ABR: variants seen among roughly 807,000 people sequenced by gnomAD.
ABR encodes the protein active breakpoint cluster region-related protein.
ABR carries 35 observed loss-of-function variants against 107.2 expected under a neutral mutation model. That is an observed-to-expected ratio of 0.33 (90% confidence interval 0.25 to 0.43). The LOEUF (loss-of-function observed/expected upper bound fraction) is 0.43. Among genes scored for constraint, ABR ranks in the 20% least tolerant of loss-of-function variants. ABR has a pLI of 1.00. For synonymous variants in ABR, 498 were observed against 462.0 expected (o/e 1.08, Z -1.00); for missense variants, 815 against 1,115.2 (o/e 0.73, Z 3.83).
chr17:1,193,217 G>A (rs959975508), intron 1 of ABR, among the ~76,000 whole-genome samples: 1 of 151,914 alleles, frequency 6.6e-6, no homozygotes, highest in Non-Finnish European at 1.5e-5. Flanking sequence ...GAAAACAACA[G>A]AATTAGCAGC....
chr17:1,124,822 C>A (rs937940851), intron 2 of ABR, among the ~76,000 whole-genome samples: 4 of 152,182 alleles, frequency 2.6e-5, no homozygotes, highest in Non-Finnish European at 5.9e-5. Flanking sequence ...ACGCATGCAG[C>A]CACTGCCTGG....
intron 2 of ABR, among the ~76,000 whole-genome samples, chr17:1,114,013 A>T (rs987468377): frequency 2.0e-5 from 3 of 151,612 alleles, no homozygotes; most frequent in Admixed American, 1.3e-4. Context: ...TAAAAATTTT[A>T]AAAAATAATT....
chr17:1,081,814 T>G (rs2036255543), intron 5 of ABR, among the ~76,000 whole-genome samples: 1 of 150,100 alleles, frequency 6.7e-6, no homozygotes, highest in South Asian at 2.1e-4. Context: ...TGACCTCAGG[T>G]GATCCGCCCG....
intron 2 of ABR, among the ~76,000 whole-genome samples, chr17:1,102,864 T>C (rs1027776124): frequency 6.6e-6 from 1 of 152,012 alleles, no homozygotes; most frequent in South Asian, 2.1e-4. Flanking sequence ...GCGTCCACCA[T>C]CACACCCACT....
rs1254912323 is a variant in ABR at position 1,058,001 on chromosome 17, C to A, written c.1350G>T (p.Trp450Cys). 1.2e-6 allele frequency: 2 copies of A among 1,613,856 alleles called. No individual in the cohort carries two copies. The highest frequency in any genetic ancestry group is 2.7e-5 in the African/African-American group (2 of 74,882). Residue 450 changes from tryptophan to cysteine, a missense_variant, in exon 12 of 23, where the codon TGG becomes TGT. This residue lies in a region of ABR where 385 missense variants were observed against 596.9 expected (regional missense o/e 0.64). Transcript: ENST00000302538. ...TCTGTAGTTTCTGAATTGCTTCTCT[C>A]CACTCTGACCTCTCGTAGTCCGAGG... ...LLSSDYERSE[W>C]REAIQKLQKK...
chr17:1,134,671 G>A (rs571916043), intron 1 of ABR, among the ~76,000 whole-genome samples: 2 of 152,206 alleles, frequency 1.3e-5, no homozygotes, highest in Admixed American at 6.5e-5. Flanking sequence ...TCAAAGGCCC[G>A]GCAAGGCGGA....
At chr17:1,134,636 T>G (rs2039979990) in intron 1 of ABR, among the ~76,000 whole-genome samples, 1 of 151,762 alleles carries the variant, frequency 6.6e-6, no homozygotes, top group Non-Finnish European at 1.5e-5. Flanking sequence ...AGCAATCAAA[T>G]CTCCGAGATG....
Position 1,037,177 on chromosome 17 carries a change from GCA to G in ABR, c.1791+12871_1791+12872del, listed in dbSNP as rs1369723008. On this transcript the variant is annotated intron_variant, in intron 16 of 22. Transcript: ENST00000302538. This position sits in a 1 kb window ranked among gnomAD's most constrained non-coding sequence, Gnocchi z 4.6. ...AGGGTGGGCTCAAGGTTGAAGATGGGCACAGTGTAAGGAAGAAGGCAGTCAGG... is the reference window on the plus strand; with the variant it reads ...AGGGTGGGCTCAAGGTTGAAGATGGGCAGTGTAAGGAAGAAGGCAGTCAGG... Among the ~76,000 whole-genome samples, 1 of 152,178 alleles carries G rather than the reference GCA, an allele frequency of 6.6e-6. No homozygotes were observed. Among genetic ancestry groups the G allele is most frequent in the African/African-American group, 2.4e-5 (1 of 41,424 alleles).
intron 1 of ABR, among the ~76,000 whole-genome samples, chr17:1,203,698 G>A (rs1441238367): frequency 3.9e-5 from 6 of 152,188 alleles, no homozygotes; most frequent in Non-Finnish European, 8.8e-5. Flanking sequence ...GACGCCTTCA[G>A]GGCCCGGGTC....
chr17:1,082,944 C>T (rs2036343585), intron 5 of ABR, among the ~76,000 whole-genome samples: 1 of 151,972 alleles, frequency 6.6e-6, no homozygotes. Context: ...GCCAACACGG[C>T]AAAACCTCAT....
At chr17:1,151,593 G>A (rs2245402) in intron 1 of ABR, among the ~76,000 whole-genome samples, 94,781 of 151,750 alleles carry the variant, frequency 0.62, 30,330 homozygotes, top group African/African-American at 0.76. Flanking sequence ...TTTTCCAGCA[G>A]GGGATGGAGA....
chr17:1,123,829 T>A (rs554169849), intron 2 of ABR, among the ~76,000 whole-genome samples: 1 of 152,272 alleles, frequency 6.6e-6, no homozygotes, highest in African/African-American at 2.4e-5. Context: ...TGGGTTACTA[T>A]TTGTACCCTG....
rs1257990352 is a variant in ABR at position 1,092,920 on chromosome 17, C to T, written c.346-1070G>A. On this transcript the variant is annotated intron_variant, in intron 3 of 22. Coordinates refer to ENST00000302538, the MANE Select transcript of ABR (RefSeq NM_021962.5). The surrounding 1 kb of genome is among the most constrained non-coding windows in gnomAD (Gnocchi z 4.6). ...ATCTCGGCTCCGCCTCCCGGGTTCA[C>T]GCCATTCTCCTGCCTCAGCCTCCCA... 9.8e-5 allele frequency among the ~76,000 whole-genome samples: 11 copies of T among 111,980 alleles called. No individual in the cohort carries two copies. Among genetic ancestry groups the T allele is most frequent in the African/African-American group, 2.5e-4 (8 of 31,450 alleles). 73.5% of individuals were successfully genotyped at this position (111,980 alleles called of 152,430 possible). A position where few individuals can be genotyped will look rare whatever the true frequency, so the allele number is the denominator to read the frequency against.
In ABR at chr17:1,179,738, C is replaced by T. The variant is rs369522002; in HGVS notation, c.-11G>A. ...GCTGAGCGGCTCCATCCCGCGGCGG[C>T]GGCTCGGTCAGATCCGAAACCCGAC... On this transcript the variant is annotated 5_prime_UTR_variant, in exon 1 of 23. Coordinates refer to ENST00000302538, the MANE Select transcript of ABR (RefSeq NM_021962.5). The surrounding 1 kb of genome is among the most constrained non-coding windows in gnomAD (Gnocchi z 4.9). The T allele has an allele frequency of 1.4e-6, 2 of 1,412,158 alleles. No homozygotes were observed. The highest frequency in any genetic ancestry group is 1.5e-5 in the African/African-American group (1 of 65,756). The allele number at this position is 1,412,158 out of a possible 1,614,324, so 87.5% of individuals were successfully genotyped here. A position where few individuals can be genotyped will look rare whatever the true frequency, so the allele number is the denominator to read the frequency against.
At chr17:1,028,820 C>T (rs780943099) in intron 16 of ABR, among the ~76,000 whole-genome samples, 3 of 152,136 alleles carry the variant, frequency 2.0e-5, no homozygotes, top group Non-Finnish European at 4.4e-5. Flanking sequence ...TCAGGAGCGT[C>T]TTGGACTTGG....
intron 9 of ABR, among the ~76,000 whole-genome samples, chr17:1,068,486 G>A (rs1333189132): frequency 1.3e-5 from 2 of 152,198 alleles, no homozygotes; most frequent in Non-Finnish European, 2.9e-5. Flanking sequence ...GGAGAGGCAA[G>A]ATAGCCTGAT....
At chr17:1,168,144 G>A (rs573119851) in intron 1 of ABR, among the ~76,000 whole-genome samples, 1 of 152,236 alleles carries the variant, frequency 6.6e-6, no homozygotes, top group South Asian at 2.1e-4. Flanking sequence ...AAATTAGCCG[G>A]GCATGGTGGC....
intron 16 of ABR, among the ~76,000 whole-genome samples, chr17:1,036,191 C>T (rs1230776038): frequency 1.3e-5 from 2 of 152,184 alleles, no homozygotes. Flanking sequence ...TCCGCTAGCG[C>T]AAATGACTCC....
chr17:1,116,169 G>A (rs914793482), intron 2 of ABR, among the ~76,000 whole-genome samples: 12 of 152,156 alleles, frequency 7.9e-5, no homozygotes, highest in East Asian at 3.8e-4. Flanking sequence ...GCAATGAGCC[G>A]AGATTGCGCC....
Sources: allele counts gnomAD v4.1 joint callset (sites outside exome capture counted in the v4.1 genomes callset), GRCh38; gene constraint gnomAD v4.1.1; regional missense constraint gnomAD v4.1.1; non-coding constraint Gnocchi (gnomAD v3.1); transcripts MANE v1.5; gene names NCBI Gene and HGNC (gene_info 2026-07-23, HGNC 2026-07-21).